Variants in DVL2 observed in about 807,000 individuals in gnomAD.
DVL2 encodes segment polarity protein dishevelled homolog DVL-2.
In DVL2, 38 loss-of-function variants were observed where a neutral mutation model predicts 69.8. The ratio of observed to expected loss-of-function variants is 0.54; its 90% confidence interval spans 0.42 to 0.71. The LOEUF (loss-of-function observed/expected upper bound fraction) is 0.71. Among genes scored for constraint, DVL2 ranks in the 30% least tolerant of loss-of-function variants. The pLI, the probability that DVL2 is intolerant of heterozygous loss-of-function variation, is 0.00. For missense variants in DVL2, 931 were observed against 1,008.1 expected (o/e 0.92, Z 1.04); for synonymous variants, 428 against 392.4 (o/e 1.09, Z -1.07).
chr17:7,226,610 C>A lies in DVL2; in HGVS notation c.1573G>T (p.Asp525Tyr). Reference sequence around the variant, plus strand: ...TGGTCTGAAGCCCCACTGGAGCCATCGTTGTCATTGAGAGACAGGTTGACT... The same window carrying A: ...TGGTCTGAAGCCCCACTGGAGCCATAGTTGTCATTGAGAGACAGGTTGACT... Reference protein sequence around the residue: ...YLVNLSLNDNDGSSGASDQDT... With the variant: ...YLVNLSLNDNYGSSGASDQDT... Residue 525 changes from aspartate (D) to tyrosine (Y), a missense_variant, in exon 14 of 15, where the codon GAT becomes TAT. Asp to Tyr is a radical substitution (Grantham distance 160, BLOSUM62 -3). This residue lies in a region of DVL2 where 314 missense variants were observed against 313.7 expected (regional missense o/e 1.00). Transcript: ENST00000005340. The A allele has an allele frequency of 6.3e-7, 1 of 1,580,720 alleles. No individual in the cohort carries two copies. Among genetic ancestry groups the A allele is most frequent in the South Asian group, 1.1e-5 (1 of 87,040 alleles).
At position 7,231,188 on chromosome 17, in the gene DVL2, G is replaced by T. The variant is rs145607342; in HGVS notation, c.195-391C>A. On this transcript the variant is annotated intron_variant, in intron 1 of 14. Transcript: ENST00000005340. The stretch of plus-strand genomic sequence containing the variant: ...CTTACAAACCTTCCAAAAAGGTCAG[G>T]CACGGTGGCTCACACCTGTAATCCC... Among the ~76,000 whole-genome samples the T allele has an allele frequency of 2.0e-4, 31 of 152,246 alleles. No homozygotes were observed. In the East Asian group the frequency reaches 5.8e-3, roughly 28 times the overall value.
Position 7,229,652 on chromosome 17 carries a change from C to A in DVL2, c.683G>T (p.Ser228Ile). ...SRFSSSTEQS[S>I]ASRLLKRHRR... ...GTGGCGCTTAAGGAGGCGGGAGGCACTGCTCTGCTCCGTGGAGCTGCTGAA... is the reference window on the plus strand; with the variant it reads ...GTGGCGCTTAAGGAGGCGGGAGGCAATGCTCTGCTCCGTGGAGCTGCTGAA... The change falls in exon 6 of 15, where the codon AGT (serine) becomes ATT (isoleucine). Residue 228 changes from serine (S) to isoleucine (I), a missense_variant. This residue lies in a region of DVL2 where 555 missense variants were observed against 588.8 expected (regional missense o/e 0.94). Transcript: ENST00000005340. The surrounding 1 kb of genome is among the most constrained non-coding windows in gnomAD (Gnocchi z 4.4). The A allele has an allele frequency of 6.5e-7, 1 of 1,548,528 alleles. No homozygotes were observed. The highest frequency in any genetic ancestry group is 1.4e-5 in the African/African-American group (1 of 72,912).
At chr17:7,233,669 C>G (rs943156714) in intron 1 of DVL2, among the ~76,000 whole-genome samples, 1 of 152,082 alleles carries the variant, frequency 6.6e-6, no homozygotes, top group Non-Finnish European at 1.5e-5. Context: ...AGGATGGCCT[C>G]GATCTCCTGA....
chr17:7,227,917 C>G, intron 10 of DVL2, 60 bp downstream of exon 10: 1 of 1,574,100 alleles, frequency 6.4e-7, no homozygotes, highest in Non-Finnish European at 8.6e-7. Flanking sequence ...ACAGGCCCGG[C>G]CCCAGCCTCC....
Position 7,228,977 on chromosome 17 carries a change from G to C in DVL2, c.1026C>G (p.His342Gln). The C allele has an allele frequency of 6.2e-7, 1 of 1,614,128 alleles. No homozygotes were observed. The highest frequency in any genetic ancestry group is 1.1e-5 in the South Asian group (1 of 91,090). ...DAVRVLRDIV[H>Q]KPGPIVLTVA... ...CCTGCTTGGCAACTCACCCAGGCTT[G>C]TGCACAATGTCCCTCAGCACCCGCA... is the stretch of plus-strand genomic sequence containing the variant. Residue 342 changes from histidine to glutamine, a missense_variant, in exon 9 of 15, where the codon CAC becomes CAG. Coordinates refer to ENST00000005340, the MANE Select transcript of DVL2 (RefSeq NM_004422.3).
chr17:7,228,832 T>A, intron 9 of DVL2, 137 bp downstream of exon 9: 3 of 786,600 alleles, frequency 3.8e-6, no homozygotes, highest in Non-Finnish European at 6.2e-6. Context: ...TCCACCCATC[T>A]GGGCCTCCCA....
chr17:7,227,719 G>A lies in DVL2; in HGVS notation c.1167C>T (p.Thr389=). Residue 389 remains threonine (T), a synonymous_variant, in exon 11 of 15, where the codon ACC becomes ACT. Transcript: ENST00000005340. The part of the protein sequence containing the change: ...WVSHSAALTG[T]FPAYPGSSSM... The stretch of plus-strand genomic sequence containing the variant: ...AGGAGGAACCTGGATAGGCTGGGAA[G>A]GTGCCAGTCAGAGCCGCGGAATGGG... 1.2e-6 allele frequency: 2 copies of A among 1,611,022 alleles called. No homozygotes were observed. The highest frequency in any genetic ancestry group is 1.7e-6 in the Non-Finnish European group (2 of 1,178,538).
In DVL2 at chr17:7,227,197, G is replaced by A. The variant is rs1407604432; in HGVS notation, c.1436C>T (p.Ala479Val). The A allele has an allele frequency of 1.9e-6, 3 of 1,613,640 alleles. No homozygotes were observed. Among genetic ancestry groups the A allele is most frequent in the Non-Finnish European group, 2.5e-6 (3 of 1,179,906 alleles). The part of the protein sequence containing the change: ...FPERREARKY[A>V]SGLLKAGLIR... ...CAGGCCTGCTTTGAGCAGCCCGCTG[G>A]CATACTTGCGGGCCTCCCGCCGCTC... The change falls in exon 13 of 15, where the codon GCC (alanine) becomes GTC (valine). Residue 479 changes from alanine to valine, a missense_variant. Ala to Val is a moderately conservative substitution (Grantham distance 64). This residue lies in a region of DVL2 where 62 missense variants were observed against 105.7 expected (regional missense o/e 0.59). Coordinates refer to ENST00000005340, the MANE Select transcript of DVL2 (RefSeq NM_004422.3).
Position 7,229,657 on chromosome 17 carries a change from C to A in DVL2, c.678G>T (p.Gln226His). The A allele has an allele frequency of 1.9e-6, 3 of 1,554,750 alleles. No individual in the cohort carries two copies. The highest frequency in any genetic ancestry group is 2.6e-6 in the Non-Finnish European group (3 of 1,150,240). ...TMSRFSSSTE[Q>H]SSASRLLKRH... Reference sequence around the variant, plus strand: ...GCTTAAGGAGGCGGGAGGCACTGCTCTGCTCCGTGGAGCTGCTGAACCTAC... The same window carrying A: ...GCTTAAGGAGGCGGGAGGCACTGCTATGCTCCGTGGAGCTGCTGAACCTAC... Residue 226 changes from glutamine (Q) to histidine (H), a missense_variant, in exon 6 of 15, where the codon CAG (glutamine) becomes CAT (histidine). Gln to His is a conservative substitution (Grantham distance 24). This residue lies in a region of DVL2 where 555 missense variants were observed against 588.8 expected (regional missense o/e 0.94). Transcript: ENST00000005340. This position sits in a 1 kb window ranked among gnomAD's most constrained non-coding sequence, Gnocchi z 4.4.
In DVL2 at chr17:7,229,297, A is replaced by G. The variant is rs2142992866; in HGVS notation, c.818-23T>C. The G allele has an allele frequency of 6.2e-7, 1 of 1,613,368 alleles. No homozygotes were observed. Among genetic ancestry groups the G allele is most frequent in the Non-Finnish European group, 8.5e-7 (1 of 1,179,728 alleles). ...TCTCTGTGGAGAGAGGCCATGTGAA[A>G]AGAGGAGCCCCTGCCACAGGACGCC... is the stretch of plus-strand genomic sequence containing the variant. On this transcript the variant is annotated intron_variant, in intron 7 of 14. Transcript: ENST00000005340. This position sits in a 1 kb window ranked among gnomAD's most constrained non-coding sequence, Gnocchi z 4.4.
chr17:7,227,756 G>T lies in DVL2; in HGVS notation c.1130C>A (p.Ala377Asp), dbSNP rs758413383. ...RNEPIQPIDP[A>D]AWVSHSAALT... ...AGCCGCGGAATGGGACACCCAGGCA[G>T]CAGGGTCAATTGGCTGGATGGGCTC... Residue 377 changes from alanine to aspartate, a missense_variant, in exon 11 of 15, where the codon GCT becomes GAT. Around this residue, in one of 3 missense-constraint regions of DVL2, gnomAD observed 555 missense variants for 588.8 expected, o/e 0.94. Transcript: ENST00000005340. The T allele has an allele frequency of 7.6e-6, 12 of 1,588,972 alleles. No individual in the cohort carries two copies. The South Asian group carries it at 1.4e-4, about 18-fold the overall frequency.
At chr17:7,233,690 C>T (rs2071583720) in intron 1 of DVL2, among the ~76,000 whole-genome samples, 1 of 152,216 alleles carries the variant, frequency 6.6e-6, no homozygotes, top group East Asian at 1.9e-4. Flanking sequence ...CCTCGTGATC[C>T]GCCCGCCTCA....
Position 7,230,316 on chromosome 17 carries a change from C to T in DVL2, c.379G>A (p.Gly127Ser), listed in dbSNP as rs148130258. Residue 127 changes from glycine (G) to serine (S), a missense_variant, in exon 3 of 15, where the codon GGC (glycine) becomes AGC (serine). Around this residue, in one of 3 missense-constraint regions of DVL2, gnomAD observed 555 missense variants for 588.8 expected, o/e 0.94. Coordinates refer to ENST00000005340, the MANE Select transcript of DVL2 (RefSeq NM_004422.3). ...LPPLPPERTSGIGDSRPPSFH... is the reference protein window; with the variant it reads ...LPPLPPERTSSIGDSRPPSFH... ...GATGGAGGCCTTGAGTCCCCAATGC[C>T]GCTGGTCCTCTCGGGTGGCAAAGGA... is the stretch of plus-strand genomic sequence containing the variant. The T allele has an allele frequency of 2.1e-5, 34 of 1,613,982 alleles. No individual in the cohort carries two copies. The highest frequency in any genetic ancestry group is 4.0e-5 in the African/African-American group (3 of 74,874).
At position 7,226,013 on chromosome 17, in the gene DVL2, G is replaced by A. The variant is rs141433972; in HGVS notation, c.2063C>T (p.Pro688Leu). Residue 688 changes from proline to leucine, a missense_variant, in exon 15 of 15, where the codon CCT (proline) becomes CTT (leucine). Transcript: ENST00000005340. ...NPMMVVMMPP[P>L]PPPVPPAVQP... is the part of the protein sequence containing the mutation. ...CACTGCTGGAGGGACTGGAGGTGGA[G>A]GTGGGGGCATCATGACCACCATCAT... is the stretch of plus-strand genomic sequence containing the variant. 1,366 of 1,613,078 alleles carry A rather than the reference G, an allele frequency of 8.5e-4. 11 individuals are homozygous for A. The African/African-American group carries it at 0.017, about 20-fold the overall frequency.
chr17:7,232,001 G>A (rs1025507389), intron 1 of DVL2, among the ~76,000 whole-genome samples: 5 of 152,182 alleles, frequency 3.3e-5, no homozygotes, highest in Admixed American at 2.0e-4. Flanking sequence ...TCTGCACAAA[G>A]CAATCTGCTC....
In DVL2 at chr17:7,225,678, G is replaced by A. The variant is rs191403212; in HGVS notation, c.*187C>T. ...AAAACAAAGCTAAAAATAATCAAAG[G>A]TCCCTTGTCTACCCCTGAGGGAAGG... On this transcript the variant is annotated 3_prime_UTR_variant, in exon 15 of 15. Coordinates refer to ENST00000005340, the MANE Select transcript of DVL2 (RefSeq NM_004422.3). 4.4e-4 allele frequency: 262 copies of A among 592,042 alleles called. 1 individual carries two copies. Among genetic ancestry groups the A allele is most frequent in the South Asian group, 1.1e-3 (54 of 48,802 alleles). The allele number at this position is 592,042 out of a possible 1,614,324, so 36.7% of individuals were successfully genotyped here. A position where few individuals can be genotyped will look rare whatever the true frequency, so the allele number is the denominator to read the frequency against.
In DVL2 at chr17:7,232,945, C is replaced by A. The variant is rs2071564419; in HGVS notation, c.194+1124G>T. Among the ~76,000 whole-genome samples the A allele has an allele frequency of 1.3e-5, 2 of 151,958 alleles. 1 individual carries two copies. Among genetic ancestry groups the A allele is most frequent in the South Asian group, 4.1e-4 (2 of 4,820 alleles). ...TCTACTAAAAAATACAAAAAATTAG[C>A]CGGGTGTGGTGGCGGACGCCTGTAG... On this transcript the variant is annotated intron_variant, in intron 1 of 14. Transcript: ENST00000005340.
Position 7,229,116 on chromosome 17 carries a change from T to G in DVL2, c.957+19A>C. ...AGGGCCCCCGTGCAGGGCAGCTCAGTGGCCCTACCCCAGCACACCTGCAAA... is the reference window on the plus strand; with the variant it reads ...AGGGCCCCCGTGCAGGGCAGCTCAGGGGCCCTACCCCAGCACACCTGCAAA... On this transcript the variant is annotated intron_variant, in intron 8 of 14. Transcript: ENST00000005340. This position sits in a 1 kb window ranked among gnomAD's most constrained non-coding sequence, Gnocchi z 4.4. The G allele has an allele frequency of 6.2e-7, 1 of 1,613,946 alleles. No homozygotes were observed. Among genetic ancestry groups the G allele is most frequent in the South Asian group, 1.1e-5 (1 of 91,088 alleles).
In DVL2 at chr17:7,227,318, C is replaced by T. The variant is rs184088868; in HGVS notation, c.1364-49G>A. The T allele has an allele frequency of 4.4e-6, 7 of 1,600,698 alleles. No individual in the cohort carries two copies. The Admixed American group carries it at 5.0e-5, about 12-fold the overall frequency. Reference sequence around the variant, plus strand: ...AGGCCTCAGGTTCTTCTTCCAACTCCTGCTCTCGCCTCTGCCTGTGCCATT... The same window carrying T: ...AGGCCTCAGGTTCTTCTTCCAACTCTTGCTCTCGCCTCTGCCTGTGCCATT... On this transcript the variant is annotated intron_variant, in intron 12 of 14. Coordinates refer to ENST00000005340, the MANE Select transcript of DVL2 (RefSeq NM_004422.3).
Sources: allele counts gnomAD v4.1 joint callset (sites outside exome capture counted in the v4.1 genomes callset), GRCh38; gene constraint gnomAD v4.1.1; regional missense constraint gnomAD v4.1.1; non-coding constraint Gnocchi (gnomAD v3.1); transcripts MANE v1.5; gene names NCBI Gene and HGNC (gene_info 2026-07-23, HGNC 2026-07-21).